The following ZNF568 variants were observed in gnomAD, a reference collection of about 807,000 sequenced individuals.
ZNF568 encodes p53 inhibitor of SCO2 activation.
A neutral mutation model predicts 18.1 loss-of-function variants in ZNF568; 11 were observed. The ratio of observed to expected loss-of-function variants is 0.61; its 90% CI spans 0.38 to 1.00. The LOEUF is 1.00. ZNF568 is among the 50% of genes least tolerant of loss of function. ZNF568 has a pLI of 0.01. For missense variants in ZNF568, 639 were observed against 768.2 expected, an observed-to-expected ratio of 0.83 and a Z score of 1.99; for synonymous variants, 213 against 246.6, an observed-to-expected ratio of 0.86 and a Z score of 1.28.
intron 6 of ZNF568, among the ~76,000 whole-genome samples, chr19:36,971,943 T>C (rs2074239210): frequency 6.8e-6 from 1 of 147,238 alleles, no homozygotes. Flanking sequence ...AGATTCAAGG[T>C]ATTCTCTTAG....
chr19:36,940,704 A>T (rs1434295262), intron 6 of ZNF568, among the ~76,000 whole-genome samples: 2 of 152,242 alleles, frequency 1.3e-5, no homozygotes, highest in African/African-American at 4.8e-5. Flanking sequence ...TGAGTAAACC[A>T]GACAACACCT....
At chr19:36,954,764 G>C (rs1005425261), downstream of ZNF568, among the ~76,000 whole-genome samples, 1 of 148,416 alleles carries the variant, frequency 6.7e-6, no homozygotes. Context: ...TTTTAATGGA[G>C]CTGGGGTTTC....
intron 6 of ZNF568, among the ~76,000 whole-genome samples, chr19:36,972,887 G>C (rs28608841): frequency 0.19 from 28,494 of 152,236 alleles, 2,744 homozygotes; most frequent in African/African-American, 0.24. Flanking sequence ...AAGCCCTGGC[G>C]GCGGGCCCGG....
At chr19:36,967,014 A>G (rs1271897614) in intron 6 of ZNF568, among the ~76,000 whole-genome samples, 1 of 152,206 alleles carries the variant, frequency 6.6e-6, no homozygotes, top group Non-Finnish European at 1.5e-5. Flanking sequence ...GAAACCATGC[A>G]TCTCAGGCCT....
At chr19:36,925,880 C>G (rs560891819) in intron 4 of ZNF568, among the ~76,000 whole-genome samples, 45 of 152,252 alleles carry the variant, frequency 3.0e-4, no homozygotes, top group African/African-American at 9.4e-4. Flanking sequence ...ATATAAGGGA[C>G]TTGAGCATCA....
At chr19:36,988,993 G>A (rs372776988) in intron 2 of ZNF568, among the ~76,000 whole-genome samples, 25 of 152,092 alleles carry the variant, frequency 1.6e-4, no homozygotes, top group African/African-American at 4.6e-4. Context: ...AACCTCTCGC[G>A]TTTTGTACCC....
chr19:36,965,762 C>T (rs541391237), intron 6 of ZNF568, among the ~76,000 whole-genome samples: 32 of 144,960 alleles, frequency 2.2e-4, no homozygotes, highest in Non-Finnish European at 3.6e-4. Flanking sequence ...AGTGCAATGG[C>T]GTGATCTCGG....
intron 4 of ZNF568, among the ~76,000 whole-genome samples, chr19:36,933,897 AGG>A (rs2073731745): frequency 3.4e-4 from 38 of 113,306 alleles, no homozygotes; most frequent in African/African-American, 3.7e-4. Flanking sequence ...TCTTTTGGGT[AGG>A]TTTTTTTTTT....
chr19:36,925,852 C>T (rs1667384), intron 4 of ZNF568, among the ~76,000 whole-genome samples: 50,328 of 151,976 alleles, frequency 0.33, 8,607 homozygotes, highest in Non-Finnish European at 0.37. Context: ...TGGTTACGTA[C>T]AAATCCTACA....
At chr19:36,991,916 C>T in intron 4 of ZNF568, 1 of 1,219,098 alleles carries the variant, frequency 8.2e-7, no homozygotes, top group Admixed American at 2.3e-5. Context: ...GAGAAGGCAG[C>T]ACTTCAGGGA....
intron 2 of ZNF568, among the ~76,000 whole-genome samples, chr19:36,987,125 A>T (rs1667351): frequency 0.3 from 45,647 of 152,096 alleles, 8,434 homozygotes; most frequent in African/African-American, 0.52. Context: ...GTGCTTAAAG[A>T]ACAATGATTG....
downstream of ZNF568, among the ~76,000 whole-genome samples, chr19:36,954,182 G>A (rs1443678991): frequency 2.0e-5 from 3 of 152,116 alleles, no homozygotes; most frequent in South Asian, 4.1e-4. Flanking sequence ...CCAAGATCAC[G>A]CCAGTGCACT....
intron 6 of ZNF568, among the ~76,000 whole-genome samples, chr19:36,972,837 G>A (rs2074246963): frequency 1.3e-5 from 2 of 152,342 alleles, no homozygotes; most frequent in South Asian, 2.1e-4. Flanking sequence ...TCCGTTTGGG[G>A]CGAGGGCGGC....
chr19:36,977,557 G>A (rs2074296192), intron 7 of ZNF568, among the ~76,000 whole-genome samples: 1 of 152,048 alleles, frequency 6.6e-6, no homozygotes, highest in African/African-American at 2.4e-5. Context: ...CTTTCTCTTT[G>A]ATTTTTCTTC....
intron 2 of ZNF568, among the ~76,000 whole-genome samples, chr19:36,920,619 T>TAAAA: frequency 7.2e-6 from 1 of 139,724 alleles, no homozygotes; most frequent in Non-Finnish European, 1.5e-5. Context: ...AGACTCCATC[T>TAAAA]AAAAAAAAAA....
intron 6 of ZNF568, among the ~76,000 whole-genome samples, chr19:36,938,439 G>A (rs2073825804): frequency 6.6e-6 from 1 of 151,998 alleles, no homozygotes; most frequent in Non-Finnish European, 1.5e-5. Flanking sequence ...CAACAACCAA[G>A]TAGAAGATAC....
rs199850418 is a variant in ZNF568, at chr19:36,962,123, T to TG, written c.359-12297_359-12296insG. Among the ~76,000 whole-genome samples the TG allele has an allele frequency of 3.1e-3, 184 of 59,434 alleles. 3 individuals carry two copies. In the East Asian group the frequency reaches 0.039, roughly 12 times the overall value. 39.0% of individuals were successfully genotyped at this position (59,434 alleles called of 152,430 possible). ...CCCAGGCTTTTTTGTTGTTTTATGT[T>TG]TTTTTTTTTTTTAATTTGTTTTCTT... is the stretch of plus-strand genomic sequence containing the variant. On this transcript the variant is annotated intron_variant, in intron 6 of 7. Transcript: ENST00000427117.
chr19:36,929,399 G>A lies in ZNF568; in HGVS notation c.135+4141G>A, dbSNP rs150813405. The stretch of plus-strand genomic sequence containing the variant: ...ACAAAAAATTTTAAAAAATTAGCTG[G>A]GTGTGGCCAGGCGTGGTGGCTCACG... On this transcript the variant is annotated intron_variant, in intron 4 of 6. Transcript: ENST00000333987. Among the ~76,000 whole-genome samples the A allele has an allele frequency of 1.1e-3, 160 of 151,874 alleles. 1 individual carries two copies. The highest frequency in any genetic ancestry group is 3.7e-3 in the African/African-American group (154 of 41,452).
chr19:36,941,787 A>G (rs2073882866), intron 6 of ZNF568, among the ~76,000 whole-genome samples: 1 of 151,936 alleles, frequency 6.6e-6, no homozygotes, highest in Non-Finnish European at 1.5e-5. Flanking sequence ...CCCTTTTAAT[A>G]TGCATTTTTA....
Sources: allele counts gnomAD v4.1 joint callset (sites outside exome capture counted in the v4.1 genomes callset), GRCh38; gene constraint gnomAD v4.1.1; transcripts MANE v1.5; gene names NCBI Gene and HGNC (gene_info 2026-07-23, HGNC 2026-07-21).